GABRG3: variants seen among roughly 807,000 people sequenced by gnomAD.
The protein encoded by GABRG3 is gamma-aminobutyric acid receptor subunit gamma-3.
In GABRG3, 25 loss-of-function variants were observed where a neutral mutation model predicts 48.8. The observed-to-expected ratio is 0.51, with a 90% CI of 0.37 to 0.72. GABRG3 has a LOEUF of 0.72. Ranked by LOEUF, GABRG3 falls within the 30% of genes least tolerant of loss-of-function variation. The pLI is 0.00. For missense variants in GABRG3, 394 were observed against 577.9 expected, an observed-to-expected ratio of 0.68 and a Z score of 3.26; for synonymous variants, 227 against 217.6, an observed-to-expected ratio of 1.04 and a Z score of -0.38.
At chr15:27,276,634 T>C (rs1018059315) in intron 3 of GABRG3, among the ~76,000 whole-genome samples, 1 of 152,180 alleles carries the variant, frequency 6.6e-6, no homozygotes, top group African/African-American at 2.4e-5. Flanking sequence ...GATTAGCTTT[T>C]TTTTTTAAGG....
intron 3 of GABRG3, among the ~76,000 whole-genome samples, chr15:27,192,049 T>G (rs1180609973): frequency 6.6e-6 from 1 of 152,182 alleles, no homozygotes; most frequent in Non-Finnish European, 1.5e-5. Flanking sequence ...TGTTGAATAT[T>G]GGCCCCCACT....
chr15:27,371,346 G>A (rs1041509876), intron 5 of GABRG3, among the ~76,000 whole-genome samples: 2 of 152,020 alleles, frequency 1.3e-5, no homozygotes, highest in African/African-American at 2.4e-5. Context: ...TTGTGAATGT[G>A]TCACTAATCT....
chr15:27,185,577 T>C (rs1888067358), intron 3 of GABRG3, among the ~76,000 whole-genome samples: 1 of 152,166 alleles, frequency 6.6e-6, no homozygotes, highest in Non-Finnish European at 1.5e-5. Flanking sequence ...TAGGTCAGAT[T>C]AATGTTCCTG....
intron 3 of GABRG3, among the ~76,000 whole-genome samples, chr15:27,272,958 C>T (rs142765834): frequency 6.6e-6 from 1 of 152,220 alleles, no homozygotes; most frequent in African/African-American, 2.4e-5. Flanking sequence ...GGTCTGTTGC[C>T]GCCACTCATC....
intron 6 of GABRG3, among the ~76,000 whole-genome samples, chr15:27,501,012 C>T (rs946287040): frequency 2.4e-4 from 33 of 137,696 alleles, no homozygotes; most frequent in Admixed American, 8.6e-4. Context: ...AGTGCAGTGG[C>T]GCGATCTCGG....
At chr15:27,295,924 C>T (rs1165662752) in intron 3 of GABRG3, among the ~76,000 whole-genome samples, 1 of 152,214 alleles carries the variant, frequency 6.6e-6, no homozygotes, top group Non-Finnish European at 1.5e-5. Context: ...GCTCTATGAG[C>T]TGGCAATGGG....
At chr15:27,078,505 C>T (rs1316231052) in intron 3 of GABRG3, among the ~76,000 whole-genome samples, 1 of 152,138 alleles carries the variant, frequency 6.6e-6, no homozygotes, top group African/African-American at 2.4e-5. Flanking sequence ...TTAACCACAG[C>T]ATATCAGGAA....
At chr15:27,488,079 C>T (rs1340839790) in intron 6 of GABRG3, among the ~76,000 whole-genome samples, 1 of 152,172 alleles carries the variant, frequency 6.6e-6, no homozygotes, top group Admixed American at 6.5e-5. Flanking sequence ...CAGCCTTTGA[C>T]GCCTGAGCTG....
At chr15:27,081,021 T>C (rs1220053410) in intron 3 of GABRG3, among the ~76,000 whole-genome samples, 1 of 152,134 alleles carries the variant, frequency 6.6e-6, no homozygotes, top group Non-Finnish European at 1.5e-5. Context: ...TTAGGTGAAA[T>C]GGTCCCTAAC....
intron 3 of GABRG3, among the ~76,000 whole-genome samples, chr15:27,162,086 T>G (rs1458395710): frequency 6.6e-6 from 1 of 152,214 alleles, no homozygotes; most frequent in Non-Finnish European, 1.5e-5. Context: ...TAAGACTGTT[T>G]ACAGCTTACT....
chr15:27,191,022 G>T (rs1888281914), intron 3 of GABRG3, among the ~76,000 whole-genome samples: 1 of 152,172 alleles, frequency 6.6e-6, no homozygotes, highest in Non-Finnish European at 1.5e-5. Context: ...CAGTTTCCAT[G>T]TAGTTGAGCA....
At chr15:27,337,177 G>A (rs1449117397) in intron 5 of GABRG3, among the ~76,000 whole-genome samples, 6 of 151,962 alleles carry the variant, frequency 3.9e-5, no homozygotes, top group Admixed American at 3.9e-4. Flanking sequence ...GTAGCATCAT[G>A]GTCTGCTTAG....
chr15:27,306,507 A>G (rs1352913718), intron 3 of GABRG3, among the ~76,000 whole-genome samples: 1 of 138,794 alleles, frequency 7.2e-6, no homozygotes, highest in Non-Finnish European at 1.5e-5. Context: ...ACATATGTCT[A>G]TATATAAACA....
chr15:27,499,251 C>G (rs1389352824), intron 6 of GABRG3, among the ~76,000 whole-genome samples: 2 of 152,286 alleles, frequency 1.3e-5, no homozygotes, highest in East Asian at 3.9e-4. Context: ...GTTCTTTGTT[C>G]TTATTCTAAG....
At chr15:27,448,120 G>GT (rs71285055) in intron 5 of GABRG3, among the ~76,000 whole-genome samples, 31,558 of 151,486 alleles carry the variant, frequency 0.21, 4,597 homozygotes, top group East Asian at 0.41. Context: ...CACCAAACAC[G>GT]TTTTTTTTAA....
At chr15:27,004,022 CG>C (rs1434377497) in intron 2 of GABRG3, among the ~76,000 whole-genome samples, 3 of 146,280 alleles carry the variant, frequency 2.1e-5, no homozygotes, top group Non-Finnish European at 3.0e-5. Flanking sequence ...GCTGTCCGGG[CG>C]GGGGGCTGAA....
intron 5 of GABRG3, among the ~76,000 whole-genome samples, chr15:27,477,013 G>A (rs1321945006): frequency 6.6e-6 from 1 of 152,188 alleles, no homozygotes; most frequent in Admixed American, 6.5e-5. Context: ...ATTAGATCAT[G>A]CCTTCAGAGT....
chr15:27,485,851 G>A (rs1041076344), intron 6 of GABRG3, among the ~76,000 whole-genome samples: 7 of 152,114 alleles, frequency 4.6e-5, no homozygotes, highest in Non-Finnish European at 1.0e-4. Context: ...ATGTTTTCAG[G>A]CTAAAGAAAA....
At chr15:27,088,230 C>T (rs944930076) in intron 3 of GABRG3, among the ~76,000 whole-genome samples, 18 of 121,754 alleles carry the variant, frequency 1.5e-4, no homozygotes, top group East Asian at 6.2e-4. Flanking sequence ...CGCCGCGGTG[C>T]GTTCTGGGAG....
Sources: allele counts gnomAD v4.1 joint callset (sites outside exome capture counted in the v4.1 genomes callset), GRCh38; gene constraint gnomAD v4.1.1; transcripts MANE v1.5; gene names NCBI Gene and HGNC (gene_info 2026-07-23, HGNC 2026-07-21).